SASH1: variants seen among roughly 807,000 people sequenced by gnomAD.
SASH1 encodes the protein SAM and SH3 domain-containing protein 1.
SASH1 carries 44 observed loss-of-function variants against 125.2 expected under a neutral mutation model. The observed-to-expected ratio is 0.35, with a 90% CI of 0.28 to 0.45. The LOEUF is 0.45. SASH1 is among the 20% of genes least tolerant of loss of function. The pLI is 1.00. For missense variants in SASH1, 1,426 were observed against 1,614.5 expected, an observed-to-expected ratio of 0.88 and a Z score of 2.00; for synonymous variants, 639 against 649.1, an observed-to-expected ratio of 0.98 and a Z score of 0.24.
chr6:148,390,149 A>G lies in SASH1; in HGVS notation c.172A>G (p.Asn58Asp). ...VMGILDGSLG[N>D]IDDLAQQYAD... ...ACCCCTTCAGGACGGTTCACTGGGA[A>G]ACATCGATGACCTGGCGCAGCAGTA... The change falls in exon 2 of 20, where the codon AAC (asparagine) becomes GAC (aspartate). Residue 58 changes from asparagine to aspartate, a missense_variant. Coordinates refer to ENST00000367467, the MANE Select transcript of SASH1 (RefSeq NM_015278.5). The G allele has an allele frequency of 6.2e-7, 1 of 1,612,588 alleles. No individual in the cohort carries two copies. Among genetic ancestry groups the G allele is most frequent in the Non-Finnish European group, 8.5e-7 (1 of 1,179,098 alleles).
At chr6:148,244,971 A>T in the SASH1 span, among the ~76,000 whole-genome samples, 2 of 151,266 alleles carry the variant, frequency 1.3e-5, no homozygotes, top group Middle Eastern at 3.2e-3. Context: ...AGAGAGAGAG[A>T]GAGAGAGAGA....
At chr6:148,508,502 G>C in intron 8 of SASH1, 1 of 1,011,278 alleles carries the variant, frequency 9.9e-7, no homozygotes, top group Non-Finnish European at 1.2e-6. Flanking sequence ...CTTCCTCAGT[G>C]AAAACAGGGA....
At chr6:148,477,062 A>G (rs1481014397) in intron 7 of SASH1, among the ~76,000 whole-genome samples, 1 of 152,212 alleles carries the variant, frequency 6.6e-6, no homozygotes, top group African/African-American at 2.4e-5. Context: ...AGAAAAATCT[A>G]ATCAAAATGG....
At chr6:148,369,905 G>GATC (rs1409914327) in intron 1 of SASH1, among the ~76,000 whole-genome samples, 1 of 130,834 alleles carries the variant, frequency 7.6e-6, no homozygotes, top group African/African-American at 2.9e-5. Context: ...AATGAGCCGA[G>GATC]ATCATGCCAC....
At chr6:148,381,617 C>CTT (rs201145545) in intron 1 of SASH1, among the ~76,000 whole-genome samples, 2,001 of 77,792 alleles carry the variant, frequency 0.026, 461 homozygotes, top group African/African-American at 0.1. Flanking sequence ...TTCTTGCTTT[C>CTT]TTTTTTTTTT....
In SASH1 at chr6:148,468,555, C is replaced by T. The variant is rs1777953954; in HGVS notation, c.397C>T (p.His133Tyr). Residue 133 changes from histidine (H) to tyrosine (Y), a missense_variant, in exon 5 of 20, where the codon CAT (histidine) becomes TAT (tyrosine). This residue lies in a region of SASH1 where 567 missense variants were observed against 575.6 expected (regional missense o/e 0.99). Transcript: ENST00000367467. Reference protein sequence around the residue: ...TPEVERKNPLHKSNSEDSSVG... With the variant: ...TPEVERKNPLYKSNSEDSSVG... ...GTTTTTCTTTTCTAGGAACCCTCTT[C>T]ATAAATCAAACTCAGAAGACAGCTC... 1 of 1,609,958 alleles carries T rather than the reference C, an allele frequency of 6.2e-7. No homozygotes were observed. The highest frequency in any genetic ancestry group is 2.2e-5 in the East Asian group (1 of 44,784).
chr6:148,540,052 T>G lies in SASH1; in HGVS notation c.2096-391T>G, dbSNP rs149233171. Among the ~76,000 whole-genome samples, 4 of 152,324 alleles carry G rather than the reference T, an allele frequency of 2.6e-5. No individual in the cohort carries two copies. The East Asian group carries it at 7.7e-4, about 29-fold the overall frequency. ...AAAAACATATGACCTAATCTCACCT[T>G]GTGAATGGGGCGTTTATTCTTTCTT... On this transcript the variant is annotated intron_variant, in intron 16 of 19. Coordinates refer to ENST00000367467, the MANE Select transcript of SASH1 (RefSeq NM_015278.5).
intron 4 of SASH1, among the ~76,000 whole-genome samples, chr6:148,461,132 G>T (rs1777595998): frequency 6.6e-6 from 1 of 152,178 alleles, no homozygotes; most frequent in Non-Finnish European, 1.5e-5. Context: ...CCATTAAGGG[G>T]TACTGTTTTT....
chr6:148,513,207 G>T, intron 8 of SASH1: 1 of 985,420 alleles, frequency 1.0e-6, no homozygotes, highest in Non-Finnish European at 1.2e-6. Flanking sequence ...ATTCAGAGAT[G>T]AGGCTTGTTT....
At chr6:148,248,977 A>G in the SASH1 span, among the ~76,000 whole-genome samples, 1 of 152,208 alleles carries the variant, frequency 6.6e-6, no homozygotes, top group African/African-American at 2.4e-5. Context: ...AATATTTTAC[A>G]TACTGAGAAA....
At chr6:148,249,712 A>C in the SASH1 span, among the ~76,000 whole-genome samples, 1 of 152,204 alleles carries the variant, frequency 6.6e-6, no homozygotes, top group Non-Finnish European at 1.5e-5. Context: ...TGTTCTAAGC[A>C]CTTTATGTAC....
chr6:148,205,186 G>A, the SASH1 span, among the ~76,000 whole-genome samples: 17 of 152,174 alleles, frequency 1.1e-4, no homozygotes, highest in South Asian at 2.1e-4. Flanking sequence ...CGCCTCGCTC[G>A]GCAACAAGAG....
the SASH1 span, among the ~76,000 whole-genome samples, chr6:148,263,411 T>G: frequency 6.6e-6 from 1 of 152,206 alleles, no homozygotes. Flanking sequence ...GAAAGAGTGA[T>G]GCACTTGGCC....
chr6:148,485,783 G>A (rs988964909), intron 7 of SASH1, among the ~76,000 whole-genome samples: 9 of 152,152 alleles, frequency 5.9e-5, no homozygotes, highest in African/African-American at 1.2e-4. Context: ...TTGTAGTGGC[G>A]CTACCACATC....
chr6:148,546,345 G>A (rs577402095), intron 19 of SASH1, among the ~76,000 whole-genome samples, 199 bp downstream of exon 19: 12 of 152,248 alleles, frequency 7.9e-5, no homozygotes, highest in South Asian at 2.1e-4. Context: ...AAAATTATCC[G>A]TAATCCCAAC....
At chr6:148,466,707 A>G (rs1777853220) in intron 4 of SASH1, among the ~76,000 whole-genome samples, 1 of 152,066 alleles carries the variant, frequency 6.6e-6, no homozygotes, top group African/African-American at 2.4e-5. Context: ...AACTAGCACT[A>G]TAGATGCATG....
At chr6:148,484,337 GAC>G (rs34073959) in intron 7 of SASH1, among the ~76,000 whole-genome samples, 1 of 151,554 alleles carries the variant, frequency 6.6e-6, no homozygotes, top group East Asian at 1.9e-4. Flanking sequence ...TTTTGCTTAA[GAC>G]ACACACACAC....
chr6:148,229,128 C>A, the SASH1 span, among the ~76,000 whole-genome samples: 2 of 80,204 alleles, frequency 2.5e-5, no homozygotes, highest in Non-Finnish European at 2.2e-5. Flanking sequence ...AGCAAGACTC[C>A]ATCTCAAAAA....
chr6:148,213,505 G>GGTGTGTGTGTGTGTGTGTGT, the SASH1 span, among the ~76,000 whole-genome samples: 1,041 of 148,442 alleles, frequency 7.0e-3, 4 homozygotes, highest in Middle Eastern at 0.02. Flanking sequence ...CTAGCCAAAG[G>GGTGTGTGTGTGTGTGTGTGT]GTGTGTGTGT....
Sources: allele counts gnomAD v4.1 joint callset (sites outside exome capture counted in the v4.1 genomes callset), GRCh38; gene constraint gnomAD v4.1.1; regional missense constraint gnomAD v4.1.1; transcripts MANE v1.5; gene names NCBI Gene and HGNC (gene_info 2026-07-23, HGNC 2026-07-21).